The following CAMK1D variants were observed in gnomAD, a reference collection of about 807,000 sequenced individuals.
CAMK1D encodes the protein calcium/calmodulin dependent protein kinase ID, also known as calcium/calmodulin-dependent protein kinase type 1D.
In CAMK1D, 9 loss-of-function variants were observed where a neutral mutation model predicts 47.7. The observed-to-expected ratio is 0.19, with a 90% CI of 0.11 to 0.33. The LOEUF is 0.33. Among genes scored for constraint, CAMK1D ranks in the 10% least tolerant of loss-of-function variants. The pLI is 1.00. For missense variants in CAMK1D, 291 were observed against 488.7 expected, an observed-to-expected ratio of 0.60 and a Z score of 3.81; for synonymous variants, 184 against 184.9, an observed-to-expected ratio of 0.99 and a Z score of 0.04.
At chr10:12,551,690 A>T (rs1588624181) in intron 1 of CAMK1D, among the ~76,000 whole-genome samples, 1 of 151,850 alleles carries the variant, frequency 6.6e-6, no homozygotes, top group Non-Finnish European at 1.5e-5. Flanking sequence ...GTGAGCCGAG[A>T]TCACACCAGT....
chr10:12,778,031 CTT>C (rs1307614165), intron 5 of CAMK1D, among the ~76,000 whole-genome samples: 1 of 152,158 alleles, frequency 6.6e-6, no homozygotes, highest in African/African-American at 2.4e-5. Context: ...AGCATGGTGT[CTT>C]TGTATTTAGA....
At chr10:12,729,846 G>C (rs1308232725) in intron 3 of CAMK1D, among the ~76,000 whole-genome samples, 1 of 152,112 alleles carries the variant, frequency 6.6e-6, no homozygotes, top group East Asian at 1.9e-4. Context: ...TGTGGCCAAG[G>C]CCCAGCGGAA....
At chr10:12,606,549 A>G (rs1838467179) in intron 2 of CAMK1D, among the ~76,000 whole-genome samples, 1 of 152,106 alleles carries the variant, frequency 6.6e-6, no homozygotes, top group Non-Finnish European at 1.5e-5. Context: ...ATGGTTTGGG[A>G]AGGACATTTG....
At chr10:12,562,407 C>T (rs767768283) in intron 2 of CAMK1D, among the ~76,000 whole-genome samples, 1 of 152,202 alleles carries the variant, frequency 6.6e-6, no homozygotes, top group Non-Finnish European at 1.5e-5. Flanking sequence ...ACGCTCAAAG[C>T]ATGGCAGTTT....
chr10:12,813,999 G>A (rs1832706174), intron 6 of CAMK1D, among the ~76,000 whole-genome samples, 196 bp from the exon 7 acceptor site: 1 of 148,042 alleles, frequency 6.8e-6, no homozygotes, highest in African/African-American at 2.6e-5. Flanking sequence ...ATGTTGGCCA[G>A]GCTGGTCTGG....
intron 2 of CAMK1D, among the ~76,000 whole-genome samples, chr10:12,640,686 T>G (rs1411854030): frequency 6.6e-6 from 1 of 152,184 alleles, no homozygotes; most frequent in Non-Finnish European, 1.5e-5. Flanking sequence ...ACTTTACACT[T>G]TACACAGTCT....
At chr10:12,510,181 A>C (rs1307349756) in intron 1 of CAMK1D, among the ~76,000 whole-genome samples, 1 of 152,164 alleles carries the variant, frequency 6.6e-6, no homozygotes, top group Non-Finnish European at 1.5e-5. Flanking sequence ...TTGGGAGGCT[A>C]AGGCAGGCGG....
intron 1 of CAMK1D, among the ~76,000 whole-genome samples, chr10:12,496,772 G>A (rs370158979): frequency 1.3e-5 from 2 of 152,172 alleles, no homozygotes; most frequent in African/African-American, 4.8e-5. Flanking sequence ...TGCAGGATGT[G>A]CAGGTTTGTT....
chr10:12,808,077 C>G (rs989074386), intron 6 of CAMK1D, among the ~76,000 whole-genome samples: 1 of 152,160 alleles, frequency 6.6e-6, no homozygotes, highest in Admixed American at 6.5e-5. Context: ...CTGTTTTATG[C>G]CCCATGCTCT....
At chr10:12,746,792 C>T (rs917192990) in intron 3 of CAMK1D, among the ~76,000 whole-genome samples, 1 of 152,156 alleles carries the variant, frequency 6.6e-6, no homozygotes, top group African/African-American at 2.4e-5. Flanking sequence ...CTGGGGGCAT[C>T]GCTTTCCTCA....
At chr10:12,414,822 C>T (rs962360098) in intron 1 of CAMK1D, among the ~76,000 whole-genome samples, 1 of 152,114 alleles carries the variant, frequency 6.6e-6, no homozygotes, top group South Asian at 2.1e-4. Flanking sequence ...TTTGGCTTGG[C>T]CTGTGTAGAC....
intron 1 of CAMK1D, among the ~76,000 whole-genome samples, chr10:12,421,298 T>TGA (rs1840039929): frequency 6.6e-6 from 1 of 152,134 alleles, no homozygotes; most frequent in African/African-American, 2.4e-5. Context: ...GCATCTAGTT[T>TGA]CTACGGTTAA....
At chr10:12,403,959 T>C (rs1427219568) in intron 1 of CAMK1D, among the ~76,000 whole-genome samples, 5 of 146,190 alleles carry the variant, frequency 3.4e-5, no homozygotes, top group Admixed American at 7.1e-5. Flanking sequence ...CTGGGGCCAA[T>C]TGAAAACTTT....
At chr10:12,387,337 G>GAT (rs1241239141) in intron 1 of CAMK1D, among the ~76,000 whole-genome samples, 23 of 125,136 alleles carry the variant, frequency 1.8e-4, no homozygotes, top group African/African-American at 6.4e-4. Flanking sequence ...TTGAGTTTGA[G>GAT]ATATATATAT....
intron 1 of CAMK1D, among the ~76,000 whole-genome samples, chr10:12,358,464 C>T (rs1328362173): frequency 1.3e-5 from 2 of 152,034 alleles, no homozygotes; most frequent in Non-Finnish European, 2.9e-5. Flanking sequence ...GCCTGGGAGG[C>T]GAAGGTTGCA....
At chr10:12,501,172 T>C (rs568548166) in intron 1 of CAMK1D, among the ~76,000 whole-genome samples, 1 of 152,248 alleles carries the variant, frequency 6.6e-6, no homozygotes, top group Non-Finnish European at 1.5e-5. Flanking sequence ...AGTCCCAGCC[T>C]AAGTGGGTTG....
At chr10:12,555,908 C>A (rs2815626) in intron 2 of CAMK1D, among the ~76,000 whole-genome samples, 62,189 of 152,048 alleles carry the variant, frequency 0.41, 12,861 homozygotes, top group Middle Eastern at 0.54. Context: ...CTGTTGATGC[C>A]GTGGATGGTC....
chr10:12,780,060 CT>C (rs1191235996), intron 5 of CAMK1D, among the ~76,000 whole-genome samples: 9 of 151,978 alleles, frequency 5.9e-5, no homozygotes, highest in African/African-American at 2.2e-4. Context: ...CGTGTTTCAT[CT>C]TGTTCTTCTC....
chr10:12,508,627 T>C lies in CAMK1D; in HGVS notation c.93-44598T>C, dbSNP rs1834949078. On this transcript the variant is annotated intron_variant, in intron 1 of 10. Coordinates refer to ENST00000619168, the MANE Select transcript of CAMK1D (RefSeq NM_153498.4). Reference sequence around the variant, plus strand: ...TGCCACTGAACTCTACAGCTGAAAATGGTAAAAATGGTAAATTTTATGTGA... The same window carrying C: ...TGCCACTGAACTCTACAGCTGAAAACGGTAAAAATGGTAAATTTTATGTGA... 1.3e-5 allele frequency among the ~76,000 whole-genome samples: 2 copies of C among 152,124 alleles called. 1 individual carries two copies. The highest frequency in any genetic ancestry group is 4.1e-4 in the South Asian group (2 of 4,834).
Sources: gnomAD v4.1 joint callset for allele counts (sites outside exome capture counted in the v4.1 genomes callset) on GRCh38, gnomAD v4.1.1 for gene constraint, MANE v1.5 for transcripts, NCBI Gene and HGNC (gene_info 2026-07-23, HGNC 2026-07-21) for gene names.